Variants in ABL1 observed in about 807,000 individuals in gnomAD.
ABL1 encodes tyrosine-protein kinase ABL1.
Under a neutral mutation model 94.7 loss-of-function variants are expected in ABL1, and 11 were observed. The observed-to-expected ratio is 0.12, with a 90% CI of 0.07 to 0.19. The LOEUF is 0.19. ABL1 is among the 10% of genes least tolerant of loss of function. The pLI is 1.00. For synonymous variants in ABL1, 656 were observed against 622.4 expected, an observed-to-expected ratio of 1.05 and a Z score of -0.80; for missense variants, 1,082 against 1,489.4, an observed-to-expected ratio of 0.73 and a Z score of 4.50.
intron 1 of ABL1, among the ~76,000 whole-genome samples, chr9:130,799,891 G>C (rs1384683834): frequency 2.0e-5 from 3 of 150,216 alleles, no homozygotes; most frequent in African/African-American, 7.4e-5. Context: ...TTTTTCTTTA[G>C]AGATGGAGTC....
chr9:130,868,832 C>T (rs182308031), intron 4 of ABL1, among the ~76,000 whole-genome samples: 2 of 152,092 alleles, frequency 1.3e-5, no homozygotes, highest in South Asian at 2.1e-4. Flanking sequence ...CTGTAGAATA[C>T]CTGTGCTTGG....
Position 130,751,129 on chromosome 9 carries a change from C to CTTTTTTTTTTT in ABL1, c.136+36694_136+36704dup, listed in dbSNP as rs60206110. Among the ~76,000 whole-genome samples the CTTTTTTTTTTT allele has an allele frequency of 1.5e-3, 89 of 57,482 alleles. 26 individuals carry two copies. The highest frequency in any genetic ancestry group is 9.0e-3 in the East Asian group (13 of 1,452). 37.7% of individuals were successfully genotyped at this position (57,482 alleles called of 152,430 possible). A position where few individuals can be genotyped will look rare whatever the true frequency, so the allele number is the denominator to read the frequency against. The stretch of plus-strand genomic sequence containing the variant: ...TTTGAAACTTGTTTTTTTTATTCAG[C>CTTTTTTTTTTT]TTTTTTTTTTTTTTTTTTTTTTTTT... On this transcript the variant is annotated intron_variant, in intron 1 of 10. Coordinates refer to the ABL1 transcript ENST00000372348.
At chr9:130,764,545 G>A (rs1832156768) in intron 1 of ABL1, among the ~76,000 whole-genome samples, 2 of 152,200 alleles carry the variant, frequency 1.3e-5, no homozygotes, top group South Asian at 4.1e-4. Context: ...GGACACCTGT[G>A]CAGATTTCTT....
chr9:130,874,257 G>C (rs1831304251), intron 6 of ABL1, among the ~76,000 whole-genome samples: 1 of 152,212 alleles, frequency 6.6e-6, no homozygotes, highest in Non-Finnish European at 1.5e-5. Context: ...CAGGAAGTGA[G>C]AGGAAGCAGA....
intron 1 of ABL1, among the ~76,000 whole-genome samples, chr9:130,753,400 A>G (rs868153038): frequency 3.6e-5 from 5 of 139,352 alleles, no homozygotes; most frequent in Admixed American, 1.5e-4. Context: ...CCTCTCTCTC[A>G]TCTCTTCTTT....
chr9:130,770,799 T>A (rs1341658972), intron 1 of ABL1, among the ~76,000 whole-genome samples: 1 of 152,140 alleles, frequency 6.6e-6, no homozygotes, highest in Non-Finnish European at 1.5e-5. Context: ...TGTGGGACAA[T>A]ATAAATAGGC....
intron 1 of ABL1, among the ~76,000 whole-genome samples, chr9:130,806,864 T>G (rs573883985): frequency 1.3e-5 from 2 of 152,286 alleles, no homozygotes; most frequent in African/African-American, 4.8e-5. Context: ...AAAAAATTTG[T>G]TTTTGGCTGG....
intron 6 of ABL1, 34 bp downstream of exon 6, chr9:130,873,071 G>A: frequency 6.3e-7 from 1 of 1,598,830 alleles, no homozygotes; most frequent in Non-Finnish European, 8.5e-7. Context: ...GCGCCATGGA[G>A]TCACAGGGCG....
Position 130,862,781 on chromosome 9 carries a change from A to G in ABL1, c.568A>G (p.Ser190Gly). Residue 190 changes from serine to glycine, a missense_variant, in exon 4 of 11, where the codon AGC (serine) becomes GGC (glycine). Ser to Gly is a moderately conservative substitution (Grantham distance 56). Around this residue, in one of 7 missense-constraint regions of ABL1, gnomAD observed 22 missense variants for 23.0 expected, o/e 0.96. Transcript: ENST00000318560. The surrounding 1 kb of genome is among the most constrained non-coding windows in gnomAD (Gnocchi z 5.5). ...SDGKLYVSSE[S>G]RFNTLAELVH... ...CCTTCAGCTCTACGTCTCCTCCGAGAGCCGCTTCAACACCCTGGCCGAGTT... is the reference window on the plus strand; with the variant it reads ...CCTTCAGCTCTACGTCTCCTCCGAGGGCCGCTTCAACACCCTGGCCGAGTT... The G allele has an allele frequency of 6.2e-7, 1 of 1,613,754 alleles. No homozygotes were observed. The highest frequency in any genetic ancestry group is 8.5e-7 in the Non-Finnish European group (1 of 1,179,966).
intron 1 of ABL1, among the ~76,000 whole-genome samples, chr9:130,824,035 G>T (rs1830396744): frequency 6.6e-6 from 1 of 152,152 alleles, no homozygotes; most frequent in Non-Finnish European, 1.5e-5. Context: ...TTATTGCCTA[G>T]TGTATTACAG....
intron 1 of ABL1, among the ~76,000 whole-genome samples, chr9:130,745,405 A>G (rs1233927357): frequency 4.0e-5 from 6 of 151,512 alleles, no homozygotes; most frequent in South Asian, 2.1e-4. Context: ...TTAATTGTCA[A>G]CTGTGTAGGT....
At chr9:130,809,401 AGAGAGAGAGAGAGAGAGTGT>A (rs1390654366) in intron 1 of ABL1, among the ~76,000 whole-genome samples, 3 of 126,502 alleles carry the variant, frequency 2.4e-5, no homozygotes, top group Non-Finnish European at 5.1e-5. Context: ...AGAGAGAGAG[AGAGAGAGAGAGAGAGAGTGT>A]GTGTGTGTGT....
chr9:130,800,219 G>A (rs905399699), intron 1 of ABL1, among the ~76,000 whole-genome samples: 1 of 151,934 alleles, frequency 6.6e-6, no homozygotes, highest in African/African-American at 2.4e-5. Flanking sequence ...GATGTGGGCT[G>A]GGTGATTATT....
chr9:130,733,918 G>A (rs948921149), intron 1 of ABL1, among the ~76,000 whole-genome samples: 1 of 152,008 alleles, frequency 6.6e-6, no homozygotes, highest in Non-Finnish European at 1.5e-5. Flanking sequence ...ACTTTTTTGT[G>A]AGGTCTATGG....
At chr9:130,779,981 C>T (rs1829734509) in intron 1 of ABL1, among the ~76,000 whole-genome samples, 1 of 152,138 alleles carries the variant, frequency 6.6e-6, no homozygotes, top group Non-Finnish European at 1.5e-5. Flanking sequence ...AAAAAGAGCA[C>T]TGTGTGAAAG....
chr9:130,861,010 G>A (rs1195319526), intron 3 of ABL1, among the ~76,000 whole-genome samples: 8 of 152,222 alleles, frequency 5.3e-5, no homozygotes, highest in African/African-American at 1.7e-4. Flanking sequence ...ACATTCCTGT[G>A]TGCACGTTCG....
Position 130,877,900 on chromosome 9 carries a change from C to T in ABL1, c.1271-515C>T, listed in dbSNP as rs35181608. 8.8e-3 allele frequency among the ~76,000 whole-genome samples: 1,336 copies of T among 151,580 alleles called. 9 individuals carry two copies. The highest frequency in any genetic ancestry group is 0.017 in the Middle Eastern group (5 of 294). On this transcript the variant is annotated intron_variant, in intron 7 of 10. Coordinates refer to ENST00000318560, the MANE Select transcript of ABL1 (RefSeq NM_005157.6). ...TGATCTTGGCTCACTGCAAGCTCCA[C>T]CTCCTGGGTTCACACCATTCTCCTG...
intron 1 of ABL1, among the ~76,000 whole-genome samples, chr9:130,766,848 A>G (rs1228851746): frequency 1.5e-4 from 23 of 152,140 alleles, no homozygotes; most frequent in Admixed American, 1.5e-3. Flanking sequence ...TCCTGCTAGC[A>G]GAGAGACCCT....
intron 1 of ABL1, among the ~76,000 whole-genome samples, chr9:130,809,721 T>C (rs1830181633): frequency 6.6e-6 from 1 of 152,178 alleles, no homozygotes; most frequent in Admixed American, 6.5e-5. Flanking sequence ...AATTCAGGCC[T>C]TTAACAGATT....
Sources: allele counts gnomAD v4.1 joint callset (sites outside exome capture counted in the v4.1 genomes callset), GRCh38; gene constraint gnomAD v4.1.1; regional missense constraint gnomAD v4.1.1; non-coding constraint Gnocchi (gnomAD v3.1); transcripts MANE v1.5; gene names NCBI Gene and HGNC (gene_info 2026-07-23, HGNC 2026-07-21).